The following MAP2K1 variants were observed in gnomAD, a reference collection of about 807,000 sequenced individuals.
MAP2K1 encodes dual specificity mitogen-activated protein kinase kinase 1.
In MAP2K1, 16 loss-of-function variants were observed where a neutral mutation model predicts 46.3. That is an observed-to-expected ratio of 0.35 (90% CI 0.23 to 0.52). The LOEUF (loss-of-function observed/expected upper bound fraction) is 0.52, where lower values mean the gene tolerates loss of function less well. MAP2K1 is among the 20% of genes least tolerant of loss of function. The pLI, the probability that MAP2K1 is intolerant of heterozygous loss-of-function variation, is 0.94. For synonymous variants in MAP2K1, 183 were observed against 185.6 expected, an observed-to-expected ratio of 0.99 and a Z score of 0.11; for missense variants, 263 against 497.1, an observed-to-expected ratio of 0.53 and a Z score of 4.48.
intron 1 of MAP2K1, among the ~76,000 whole-genome samples, 153 bp downstream of exon 1, chr15:66,387,580 A>G (rs930441063): frequency 6.6e-6 from 1 of 152,040 alleles, no homozygotes; most frequent in African/African-American, 2.4e-5. Flanking sequence ...ATCGGTGACT[A>G]AGCACTGATT....
At chr15:66,469,275 CAA>C (rs557141875) in intron 5 of MAP2K1, among the ~76,000 whole-genome samples, 148 of 152,286 alleles carry the variant, frequency 9.7e-4, no homozygotes, top group Middle Eastern at 3.4e-3. Flanking sequence ...GTTTTTTAAA[CAA>C]AGACATTTCT....
At chr15:66,425,868 A>G (rs1366127341) in intron 1 of MAP2K1, among the ~76,000 whole-genome samples, 2 of 152,242 alleles carry the variant, frequency 1.3e-5, no homozygotes, top group African/African-American at 4.8e-5. Context: ...AGGTGCAACA[A>G]TTAAGAGACA....
At chr15:66,445,956 G>C (rs1450530440) in intron 5 of MAP2K1, among the ~76,000 whole-genome samples, 1 of 152,074 alleles carries the variant, frequency 6.6e-6, no homozygotes, top group Non-Finnish European at 1.5e-5. Context: ...GGGCACGGTG[G>C]CTCATGCCTG....
chr15:66,480,480 T>C (rs28589898), intron 5 of MAP2K1, among the ~76,000 whole-genome samples: 42,618 of 152,098 alleles, frequency 0.28, 6,610 homozygotes, highest in South Asian at 0.37. Context: ...CTCACGCCTA[T>C]AGTCCCAGCT....
At chr15:66,490,197 C>T (rs1328373243) in intron 10 of MAP2K1, 10 of 543,072 alleles carry the variant, frequency 1.8e-5, no homozygotes, top group Non-Finnish European at 3.3e-5. Flanking sequence ...ATAATATGCA[C>T]TAAGTCCATC....
chr15:66,479,298 A>T (rs143258112), intron 5 of MAP2K1, among the ~76,000 whole-genome samples: 146 of 151,920 alleles, frequency 9.6e-4, no homozygotes, highest in African/African-American at 3.5e-3. Context: ...AGGTTTCACC[A>T]TGTTGGCCAG....
intron 5 of MAP2K1, among the ~76,000 whole-genome samples, chr15:66,460,335 A>C (rs1016609338): frequency 1.3e-5 from 2 of 152,178 alleles, no homozygotes; most frequent in Non-Finnish European, 2.9e-5. Flanking sequence ...AGAGGCTTAG[A>C]TCTCTTTAGG....
At chr15:66,420,721 A>ATATATATATATATATATATATATATGTG in intron 1 of MAP2K1, among the ~76,000 whole-genome samples, 1 of 29,684 alleles carries the variant, frequency 3.4e-5, no homozygotes, top group African/African-American at 1.2e-4. Context: ...ATATATATAT[A>ATATATATATATATATATATATATATGTG]TGTGTGTGTG....
At chr15:66,473,066 G>A (rs58683685) in intron 5 of MAP2K1, among the ~76,000 whole-genome samples, 9,731 of 152,224 alleles carry the variant, frequency 0.064, 1,034 homozygotes, top group African/African-American at 0.22. Context: ...AAGTTAGCCA[G>A]GTTTGTTCTC....
At chr15:66,430,055 A>G (rs916966625) in intron 1 of MAP2K1, among the ~76,000 whole-genome samples, 2 of 152,092 alleles carry the variant, frequency 1.3e-5, no homozygotes, top group African/African-American at 2.4e-5. Context: ...GGAACTGAGG[A>G]CCAGAAAGGA....
intron 1 of MAP2K1, among the ~76,000 whole-genome samples, chr15:66,399,149 C>G (rs1287784678): frequency 6.6e-6 from 1 of 152,190 alleles, no homozygotes; most frequent in Non-Finnish European, 1.5e-5. Flanking sequence ...ATGCACAAAA[C>G]TTACTCTGAG....
At chr15:66,425,343 G>A (rs974727427) in intron 1 of MAP2K1, among the ~76,000 whole-genome samples, 2 of 152,090 alleles carry the variant, frequency 1.3e-5, no homozygotes, top group Admixed American at 6.5e-5. Flanking sequence ...ACAGTTATTC[G>A]TTTGCATGGT....
chr15:66,464,706 G>T (rs913717637), intron 5 of MAP2K1, among the ~76,000 whole-genome samples: 1 of 151,304 alleles, frequency 6.6e-6, no homozygotes, highest in Admixed American at 6.6e-5. Flanking sequence ...TGTATTTTTA[G>T]TAGAGACAGG....
intron 8 of MAP2K1, 40 bp from the exon 9 acceptor site, chr15:66,489,175 A>G (rs748908254): frequency 1.9e-6 from 3 of 1,554,634 alleles, no homozygotes; most frequent in Non-Finnish European, 8.9e-7. Context: ...GGCTGGAGCA[A>G]GGAGCCAGGC....
chr15:66,445,151 G>T (rs1891831491), intron 5 of MAP2K1, among the ~76,000 whole-genome samples: 1 of 146,116 alleles, frequency 6.8e-6, no homozygotes. Context: ...GGGCAGCGGG[G>T]GGAGGTGGGG....
At chr15:66,429,743 G>A (rs1467346221) in intron 1 of MAP2K1, among the ~76,000 whole-genome samples, 1 of 144,132 alleles carries the variant, frequency 6.9e-6, no homozygotes, top group Non-Finnish European at 1.5e-5. Flanking sequence ...TGTGCTTTTG[G>A]CACTCTCTGC....
rs1893233720 is a variant in MAP2K1 at position 66,490,854 on chromosome 15, G to A, written c.*239G>A. 1 of 577,970 alleles carries A rather than the reference G, an allele frequency of 1.7e-6. No homozygotes were observed. The highest frequency in any genetic ancestry group is 2.6e-5 in the Admixed American group (1 of 38,382). The allele number at this position is 577,970 out of a possible 1,614,324, so 35.8% of individuals were successfully genotyped here. A position where few individuals can be genotyped will look rare whatever the true frequency, so the allele number is the denominator to read the frequency against. ...TGTGCTTGGGGCTATTTGTGTGTAT[G>A]CTGATGATCAAAACCTGTGCCAGGC... On this transcript the variant is annotated 3_prime_UTR_variant, in exon 11 of 11. Transcript: ENST00000307102.
chr15:66,464,795 T>A (rs1217961489), intron 5 of MAP2K1, among the ~76,000 whole-genome samples: 1 of 151,858 alleles, frequency 6.6e-6, no homozygotes, highest in African/African-American at 2.4e-5. Context: ...CCCAAAGTGC[T>A]GGGATTATAG....
intron 5 of MAP2K1, among the ~76,000 whole-genome samples, chr15:66,447,201 C>A (rs1891892372): frequency 6.6e-6 from 1 of 151,716 alleles, no homozygotes. Flanking sequence ...ATGGCTGACT[C>A]CTGGATGCAT....
Sources: allele counts gnomAD v4.1 joint callset (sites outside exome capture counted in the v4.1 genomes callset), GRCh38; gene constraint gnomAD v4.1.1; transcripts MANE v1.5; gene names NCBI Gene and HGNC (gene_info 2026-07-23, HGNC 2026-07-21).